The following IL1RAPL2 variants were observed in gnomAD, a reference collection of about 807,000 sequenced individuals.
The protein encoded by IL1RAPL2 is X-linked interleukin-1 receptor accessory protein-like 2.
In IL1RAPL2, 3 loss-of-function variants were observed where a neutral mutation model predicts 44.1. That is an observed-to-expected ratio of 0.07 (90% CI 0.03 to 0.18). The LOEUF is 0.18. Ranked by LOEUF, IL1RAPL2 falls within the 10% of genes least tolerant of loss-of-function variation. IL1RAPL2 has a pLI of 1.00. For missense variants in IL1RAPL2, 391 were observed against 496.4 expected (o/e 0.79, Z 2.02); for synonymous variants, 181 against 178.8 (o/e 1.01, Z -0.10).
intron 5 of IL1RAPL2, among the ~76,000 whole-genome samples, chrX:105,432,653 A>T (rs2035856287): frequency 9.0e-6 from 1 of 111,219 alleles, no homozygotes; most frequent in African/African-American, 3.3e-5. Flanking sequence ...TCATCTCAAG[A>T]CTTTCTAGAC....
chrX:104,888,557 G>C (rs780092865), intron 2 of IL1RAPL2, among the ~76,000 whole-genome samples: 14 of 110,513 alleles, frequency 1.3e-4, no homozygotes, highest in Admixed American at 1.9e-4. Context: ...CTGCTTCCTT[G>C]GATACCTCAT....
chrX:104,803,176 A>T (rs1274035691), intron 2 of IL1RAPL2, among the ~76,000 whole-genome samples: 2 of 111,667 alleles, frequency 1.8e-5, no homozygotes, highest in Non-Finnish European at 3.8e-5. Context: ...GTCTGTTAGG[A>T]TATCTTCTTT....
intron 2 of IL1RAPL2, among the ~76,000 whole-genome samples, chrX:105,021,286 T>G (rs925596711): frequency 3.6e-5 from 4 of 111,442 alleles, no homozygotes; most frequent in African/African-American, 1.3e-4. Context: ...TAGGGCCATC[T>G]GAAGGGCTGT....
At chrX:105,173,775 C>T (rs767201498) in intron 2 of IL1RAPL2, among the ~76,000 whole-genome samples, 22 of 108,208 alleles carry the variant, frequency 2.0e-4, no homozygotes, top group East Asian at 2.9e-4. Context: ...CTTTGTTGCC[C>T]GGGCTGGAGT....
chrX:105,088,662 T>G (rs1206040072), intron 2 of IL1RAPL2, among the ~76,000 whole-genome samples: 1 of 111,663 alleles, frequency 9.0e-6, no homozygotes, highest in Non-Finnish European at 1.9e-5. Context: ...CACATGATGT[T>G]GGGATTAGAA....
intron 2 of IL1RAPL2, among the ~76,000 whole-genome samples, chrX:105,047,740 A>G (rs1056481134): frequency 8.9e-6 from 1 of 111,926 alleles, no homozygotes; most frequent in African/African-American, 3.2e-5. Context: ...CTCTGATTCA[A>G]TATTCATACC....
At chrX:104,884,549 T>A (rs1224946756) in intron 2 of IL1RAPL2, among the ~76,000 whole-genome samples, 1 of 105,662 alleles carries the variant, frequency 9.5e-6, no homozygotes, top group Non-Finnish European at 2.0e-5. Flanking sequence ...TGGGACCAAT[T>A]TGACCCGCAA....
intron 1 of IL1RAPL2, among the ~76,000 whole-genome samples, chrX:104,593,809 A>G (rs944693406): frequency 8.9e-5 from 10 of 112,046 alleles, no homozygotes; most frequent in African/African-American, 3.2e-4. Context: ...ACCCTTCAAC[A>G]GTGTCCTACA....
At chrX:105,514,273 C>A (rs2036494874) in intron 6 of IL1RAPL2, among the ~76,000 whole-genome samples, 1 of 111,077 alleles carries the variant, frequency 9.0e-6, no homozygotes, top group Admixed American at 9.6e-5. Context: ...CGTTGGAACC[C>A]TGATGTTGAG....
chrX:104,892,894 A>AT (rs1452460133), intron 2 of IL1RAPL2, among the ~76,000 whole-genome samples: 1 of 111,959 alleles, frequency 8.9e-6, no homozygotes, highest in African/African-American at 3.2e-5. Context: ...TAGGTTGTCA[A>AT]TTTTAGATCT....
chrX:105,315,077 A>G (rs1165489515), intron 5 of IL1RAPL2, among the ~76,000 whole-genome samples: 1 of 112,052 alleles, frequency 8.9e-6, no homozygotes, highest in African/African-American at 3.2e-5. Flanking sequence ...CAAAATGAGA[A>G]TTGGAATTTC....
At chrX:104,579,377 A>G (rs1928300166) in intron 1 of IL1RAPL2, among the ~76,000 whole-genome samples, 2 of 112,204 alleles carry the variant, frequency 1.8e-5, no homozygotes, top group African/African-American at 3.2e-5. Context: ...GGATAAAGAA[A>G]ATGTAGTACA....
At chrX:105,597,098 T>G (rs1033184864) in intron 6 of IL1RAPL2, among the ~76,000 whole-genome samples, 3 of 111,795 alleles carry the variant, frequency 2.7e-5, no homozygotes, top group African/African-American at 9.8e-5. Context: ...CAAAAATATA[T>G]TAGTAACTAA....
At chrX:105,627,014 T>C (rs1221128821) in intron 6 of IL1RAPL2, among the ~76,000 whole-genome samples, 3 of 111,411 alleles carry the variant, frequency 2.7e-5, no homozygotes, top group Non-Finnish European at 5.7e-5. Context: ...AAAAAAGCTT[T>C]TCATTTCATC....
intron 8 of IL1RAPL2, among the ~76,000 whole-genome samples, chrX:105,743,670 A>G (rs190509590): frequency 2.5e-4 from 28 of 111,737 alleles, no homozygotes; most frequent in Non-Finnish European, 1.9e-5. Flanking sequence ...CCCCACTAAA[A>G]TATGGAATAC....
At chrX:104,944,538 T>C (rs926821591) in intron 2 of IL1RAPL2, among the ~76,000 whole-genome samples, 1 of 111,666 alleles carries the variant, frequency 9.0e-6, no homozygotes, top group Non-Finnish European at 1.9e-5. Flanking sequence ...TTTAAATGAC[T>C]CTTCTATTTA....
chrX:104,914,045 G>A (rs929621174), intron 2 of IL1RAPL2, among the ~76,000 whole-genome samples: 17 of 111,439 alleles, frequency 1.5e-4, no homozygotes, highest in African/African-American at 3.9e-4. Flanking sequence ...CCAGAGCAGC[G>A]TTTCTCTAAA....
intron 2 of IL1RAPL2, among the ~76,000 whole-genome samples, chrX:105,145,092 T>C (rs760746581): frequency 8.9e-6 from 1 of 112,093 alleles, no homozygotes; most frequent in East Asian, 2.8e-4. Context: ...CTTGAACCTA[T>C]TTCCTATTTT....
intron 2 of IL1RAPL2, among the ~76,000 whole-genome samples, chrX:104,890,155 A>T (rs1923381248): frequency 8.9e-6 from 1 of 112,029 alleles, no homozygotes; most frequent in Non-Finnish European, 1.9e-5. Flanking sequence ...TGCATAGTAT[A>T]CTGTGGTGTA....
Sources: allele counts gnomAD v4.1 joint callset (sites outside exome capture counted in the v4.1 genomes callset), GRCh38; gene constraint gnomAD v4.1.1; transcripts MANE v1.5; gene names NCBI Gene and HGNC (gene_info 2026-07-23, HGNC 2026-07-21).